Variants in LMX1B observed in about 807,000 individuals in gnomAD.
LMX1B encodes the protein LIM homeobox transcription factor 1 beta, also known as LIM homeobox transcription factor 1-beta.
Under a neutral mutation model 51.4 loss-of-function variants are expected in LMX1B, and 12 were observed. That is an observed-to-expected ratio of 0.23 (90% CI 0.15 to 0.38). The LOEUF is 0.38. Ranked by LOEUF, LMX1B falls within the 10% of genes least tolerant of loss-of-function variation. LMX1B has a pLI of 1.00. For missense variants in LMX1B, 445 were observed against 571.1 expected, an observed-to-expected ratio of 0.78 and a Z score of 2.25; for synonymous variants, 237 against 235.4, an observed-to-expected ratio of 1.01 and a Z score of -0.06.
At position 126,699,579 on chromosome 9, in the gene LMX1B, G is replaced by C. The variant is rs1261905613; in HGVS notation, c.*3128G>C. 6.5e-6 allele frequency: 1 copy of C among 152,710 alleles called. No individual in the cohort carries two copies. Among genetic ancestry groups the C allele is most frequent in the African/African-American group, 2.4e-5 (1 of 41,468 alleles). The allele number at this position is 152,710 out of a possible 1,614,324, so 9.5% of individuals were successfully genotyped here. A position where few individuals can be genotyped will look rare whatever the true frequency, so the allele number is the denominator to read the frequency against. On this transcript the variant is annotated 3_prime_UTR_variant, in exon 8 of 8. Coordinates refer to ENST00000373474, the MANE Select transcript of LMX1B (RefSeq NM_001174147.2). ...GTGCCTTGCTGCCCACAGGCTCCCA[G>C]ACACCAGTGCCCACTCTGCCCAGCC...
At position 126,626,505 on chromosome 9, in the gene LMX1B, A is replaced by T. The variant is rs1235934918; in HGVS notation, c.326+10936A>T. Among the ~76,000 whole-genome samples, 1 of 152,082 alleles carries T rather than the reference A, an allele frequency of 6.6e-6. No individual in the cohort carries two copies. Among genetic ancestry groups the T allele is most frequent in the Non-Finnish European group, 1.5e-5 (1 of 67,996 alleles). The stretch of plus-strand genomic sequence containing the variant: ...CAGGCGAGAGCGGGGAAGGGGACCG[A>T]TGGAGCCAGAAGCCCTGAGCTCACC... On this transcript the variant is annotated intron_variant, in intron 2 of 7. Coordinates refer to ENST00000373474, the MANE Select transcript of LMX1B (RefSeq NM_001174147.2). This position sits in a 1 kb window ranked among gnomAD's most constrained non-coding sequence, Gnocchi z 4.3.
intron 2 of LMX1B, among the ~76,000 whole-genome samples, chr9:126,689,251 G>C (rs1048386589): frequency 6.6e-6 from 1 of 152,238 alleles, no homozygotes; most frequent in Non-Finnish European, 1.5e-5. Flanking sequence ...AGCATGCAGA[G>C]CTCCAAGTGG....
intron 2 of LMX1B, among the ~76,000 whole-genome samples, chr9:126,652,129 C>T (rs2118903804): frequency 6.6e-6 from 1 of 152,222 alleles, no homozygotes; most frequent in Non-Finnish European, 1.5e-5. Context: ...CCCGGCTTGG[C>T]TGCCTGAGGC....
intron 2 of LMX1B, among the ~76,000 whole-genome samples, chr9:126,633,991 C>T (rs1057297214): frequency 2.0e-5 from 3 of 151,992 alleles, no homozygotes; most frequent in Non-Finnish European, 4.4e-5. Context: ...CTGTGCCTCC[C>T]GCTTTTGATG....
intron 2 of LMX1B, among the ~76,000 whole-genome samples, chr9:126,629,663 C>A (rs1835599830): frequency 6.6e-6 from 1 of 152,078 alleles, no homozygotes; most frequent in South Asian, 2.1e-4. Flanking sequence ...TTTTATGCTG[C>A]TTGTGGTAAA....
At chr9:126,652,404 C>G (rs145708494) in intron 2 of LMX1B, among the ~76,000 whole-genome samples, 8 of 152,294 alleles carry the variant, frequency 5.3e-5, no homozygotes, top group Middle Eastern at 3.4e-3. Flanking sequence ...TTGTTTGGAA[C>G]GATAACTGCA....
At chr9:126,666,751 T>C (rs1836349749) in intron 2 of LMX1B, among the ~76,000 whole-genome samples, 2 of 151,996 alleles carry the variant, frequency 1.3e-5, no homozygotes, top group East Asian at 1.9e-4. Flanking sequence ...TGCAGTTTGA[T>C]TTTCATTCTG....
intron 2 of LMX1B, among the ~76,000 whole-genome samples, chr9:126,660,520 G>T (rs1836224557): frequency 6.6e-6 from 1 of 152,200 alleles, no homozygotes; most frequent in Admixed American, 6.5e-5. Context: ...CTTTGGACAA[G>T]ACACTTACCC....
intron 2 of LMX1B, among the ~76,000 whole-genome samples, chr9:126,616,134 G>A (rs915890630): frequency 3.3e-5 from 5 of 152,206 alleles, no homozygotes; most frequent in East Asian, 3.9e-4. Context: ...CGTTCCATGC[G>A]GGAATTTTGC....
At chr9:126,669,117 G>A (rs566156259) in intron 2 of LMX1B, among the ~76,000 whole-genome samples, 2 of 152,322 alleles carry the variant, frequency 1.3e-5, no homozygotes, top group East Asian at 1.9e-4. Context: ...GGCGGAGGAC[G>A]AGGGGACGAG....
rs1835337004 is a variant in LMX1B at position 126,618,094 on chromosome 9, C to T, written c.326+2525C>T. Among the ~76,000 whole-genome samples, 2 of 152,256 alleles carry T rather than the reference C, an allele frequency of 1.3e-5. No homozygotes were observed. The highest frequency in any genetic ancestry group is 4.1e-4 in the South Asian group (2 of 4,822). On this transcript the variant is annotated intron_variant, in intron 2 of 7. Coordinates refer to ENST00000373474, the MANE Select transcript of LMX1B (RefSeq NM_001174147.2). The surrounding 1 kb of genome is among the most constrained non-coding windows in gnomAD (Gnocchi z 4.5). ...AATTGCAGATGCATATTTATTTCAT[C>T]TGTGCGTAAATGCTTTTCAGACAGG...
At chr9:126,651,032 G>A (rs1043702098) in intron 2 of LMX1B, among the ~76,000 whole-genome samples, 20 of 152,180 alleles carry the variant, frequency 1.3e-4, no homozygotes, top group South Asian at 4.1e-4. Context: ...AGATGAGGCG[G>A]TGATGGGGAA....
intron 2 of LMX1B, among the ~76,000 whole-genome samples, chr9:126,640,457 G>A (rs546939999): frequency 6.6e-6 from 1 of 152,186 alleles, no homozygotes; most frequent in African/African-American, 2.4e-5. Context: ...TGAGGGCAGG[G>A]GCTGCACCAG....
At position 126,691,074 on chromosome 9, in the gene LMX1B, G is replaced by A. The variant is rs2030113774; in HGVS notation, c.559+6G>A. On this transcript the variant is annotated splice_donor_region_variant and intron_variant, in intron 3 of 7. Transcript: ENST00000373474. The stretch of plus-strand genomic sequence containing the variant: ...CCCCGACGAGTCCGACTCCGGTGAG[G>A]CCTGGCCTGAGCTGGGGGCAGGCCT... The A allele has an allele frequency of 6.2e-7, 1 of 1,602,708 alleles. No homozygotes were observed. The highest frequency in any genetic ancestry group is 8.5e-7 in the Non-Finnish European group (1 of 1,174,134).
Position 126,618,056 on chromosome 9 carries a change from T to C in LMX1B, c.326+2487T>C, listed in dbSNP as rs892066489. ...TAAAAATTTTTTTATTCACATTTCT[T>C]TTTTTCTTTGAGAATTGCAGATGCA... On this transcript the variant is annotated intron_variant, in intron 2 of 7. Transcript: ENST00000373474. The surrounding 1 kb of genome is among the most constrained non-coding windows in gnomAD (Gnocchi z 4.5). 6.6e-6 allele frequency among the ~76,000 whole-genome samples: 1 copy of C among 152,170 alleles called. No individual in the cohort carries two copies. Among genetic ancestry groups the C allele is most frequent in the African/African-American group, 2.4e-5 (1 of 41,440 alleles).
chr9:126,673,890 G>A lies in LMX1B; in HGVS notation c.327-16946G>A, dbSNP rs1836506846. Reference sequence around the variant, plus strand: ...GGCAGCAGCAGAGTAAACAGCCGCTGCCCTGTCCTCTCTGCGGCCGTGGCC... The same window carrying A: ...GGCAGCAGCAGAGTAAACAGCCGCTACCCTGTCCTCTCTGCGGCCGTGGCC... On this transcript the variant is annotated intron_variant, in intron 2 of 7. Coordinates refer to ENST00000373474, the MANE Select transcript of LMX1B (RefSeq NM_001174147.2). The surrounding 1 kb of genome is among the most constrained non-coding windows in gnomAD (Gnocchi z 4.4). 6.6e-6 allele frequency among the ~76,000 whole-genome samples: 1 copy of A among 152,222 alleles called. No homozygotes were observed. The highest frequency in any genetic ancestry group is 2.1e-4 in the South Asian group (1 of 4,830).
At chr9:126,656,383 T>A (rs373218777) in intron 2 of LMX1B, among the ~76,000 whole-genome samples, 3 of 143,972 alleles carry the variant, frequency 2.1e-5, no homozygotes, top group South Asian at 2.3e-4. Flanking sequence ...GATCTGGTCT[T>A]TAGATAGATA....
intron 2 of LMX1B, among the ~76,000 whole-genome samples, chr9:126,639,244 C>G (rs2118877493): frequency 6.6e-6 from 1 of 152,282 alleles, no homozygotes; most frequent in Middle Eastern, 3.4e-3. Context: ...TGGGCTGGAG[C>G]CCAGTGGCGC....
intron 2 of LMX1B, among the ~76,000 whole-genome samples, chr9:126,682,033 A>G (rs1199265627): frequency 9.6e-5 from 12 of 124,800 alleles, no homozygotes; most frequent in Non-Finnish European, 1.8e-4. Flanking sequence ...CCCATCACTC[A>G]TCTGCTCCAG....
Sources: gnomAD v4.1 joint callset for allele counts (sites outside exome capture counted in the v4.1 genomes callset) on GRCh38, gnomAD v4.1.1 for gene constraint, Gnocchi (gnomAD v3.1) non-coding constraint, MANE v1.5 for transcripts, NCBI Gene and HGNC (gene_info 2026-07-23, HGNC 2026-07-21) for gene names.